Variants in PXDNL observed in about 807,000 individuals in gnomAD.
The protein encoded by PXDNL is probable oxidoreductase PXDNL.
Under a neutral mutation model 150.8 loss-of-function variants are expected in PXDNL, and 145 were observed. That is an observed-to-expected ratio of 0.96 (90% CI 0.84 to 1.10). PXDNL has a LOEUF of 1.10. Ranked by LOEUF, PXDNL falls within the 50% of genes least tolerant of loss-of-function variation. The pLI is 0.00. For missense variants in PXDNL, 2,087 were observed against 1,873.9 expected, an observed-to-expected ratio of 1.11 and a Z score of -2.10; for synonymous variants, 757 against 725.7, an observed-to-expected ratio of 1.04 and a Z score of -0.69.
At chr8:51,352,153 A>G (rs1296911759) in intron 19 of PXDNL, among the ~76,000 whole-genome samples, 1 of 152,106 alleles carries the variant, frequency 6.6e-6, no homozygotes, top group African/African-American at 2.4e-5. Flanking sequence ...GATAATTCCC[A>G]CCATAAAAAA....
At chr8:51,373,924 G>A (rs1328782574) in intron 18 of PXDNL, among the ~76,000 whole-genome samples, 8 of 152,112 alleles carry the variant, frequency 5.3e-5, no homozygotes. Flanking sequence ...TTTATTCTTG[G>A]TTAGTCTTGG....
At position 51,775,348 on chromosome 8, in the gene PXDNL, TACCAAA is replaced by T. The variant is rs1228786216; in HGVS notation, c.164+33827_164+33832del. Among the ~76,000 whole-genome samples the T allele has an allele frequency of 5.9e-5, 9 of 152,188 alleles. No individual in the cohort carries two copies. The East Asian group carries it at 1.7e-3, about 29-fold the overall frequency. ...ACTTTATCATGAAATTAATCAAAAATACCAAAACCAACTTAAATGGCTCGTTATATT... is the reference window on the plus strand; with the variant it reads ...ACTTTATCATGAAATTAATCAAAAATACCAACTTAAATGGCTCGTTATATT... On this transcript the variant is annotated intron_variant, in intron 1 of 22. Coordinates refer to ENST00000356297, the MANE Select transcript of PXDNL (RefSeq NM_144651.5).
intron 1 of PXDNL, among the ~76,000 whole-genome samples, chr8:51,675,523 A>G (rs13279413): frequency 0.65 from 98,141 of 151,882 alleles, 33,921 homozygotes; most frequent in East Asian, 0.85. Flanking sequence ...GGCCAGATGC[A>G]GTGGCTCACA....
intron 1 of PXDNL, among the ~76,000 whole-genome samples, chr8:51,776,467 G>A (rs554653086): frequency 3.7e-4 from 57 of 152,098 alleles, no homozygotes; most frequent in Admixed American, 1.0e-3. Context: ...CAGGCCAGCC[G>A]ACACTTAGAG....
At chr8:51,596,762 T>A (rs1813576567) in intron 2 of PXDNL, among the ~76,000 whole-genome samples, 1 of 152,176 alleles carries the variant, frequency 6.6e-6, no homozygotes, top group Non-Finnish European at 1.5e-5. Flanking sequence ...ATTTGTTTTT[T>A]GCTTGTTCAA....
Position 51,409,082 on chromosome 8 carries a change from G to T in PXDNL, c.2542C>A (p.Arg848=). ...NDPPCFPMNT[R]HADPRGTHAP... The stretch of plus-strand genomic sequence containing the variant: ...TGGGTGCCCCGGGGGTCGGCGTGCC[G>T]GGTGTTCATGGGGAAACAAGGAGGG... Residue 848 remains arginine, a synonymous_variant, in exon 17 of 23, where the codon CGG becomes AGG. Coordinates refer to ENST00000356297, the MANE Select transcript of PXDNL (RefSeq NM_144651.5). 6.2e-7 allele frequency: 1 copy of T among 1,609,370 alleles called. No individual in the cohort carries two copies. Among genetic ancestry groups the T allele is most frequent in the Non-Finnish European group, 8.5e-7 (1 of 1,179,448 alleles).
intron 1 of PXDNL, among the ~76,000 whole-genome samples, chr8:51,765,772 C>T (rs1451138331): frequency 6.6e-6 from 1 of 151,468 alleles, no homozygotes; most frequent in Non-Finnish European, 1.5e-5. Flanking sequence ...CTTTTTGTTC[C>T]TCTATTTCTC....
At chr8:51,540,144 C>CA (rs1456847270) in intron 4 of PXDNL, among the ~76,000 whole-genome samples, 1 of 152,132 alleles carries the variant, frequency 6.6e-6, no homozygotes, top group Admixed American at 6.6e-5. Context: ...GTGATCCATA[C>CA]ACCTCAGCCT....
rs1278769713 is a variant in PXDNL, at chr8:51,472,289, G to A, written c.710C>T (p.Thr237Ile). The A allele has an allele frequency of 6.2e-7, 1 of 1,612,282 alleles. No homozygotes were observed. Among genetic ancestry groups the A allele is most frequent in the Middle Eastern group, 1.7e-4 (1 of 6,060 alleles). ...TACCTCCACATCCTGCGGCTCAAAAGTAATTCGGGGGCTCTCTGCAACAAA... is the reference window on the plus strand; with the variant it reads ...TACCTCCACATCCTGCGGCTCAAAAATAATTCGGGGGCTCTCTGCAACAAA... ...EEFNCQSPRI[T>I]FEPQDVEVPS... is the part of the protein sequence containing the mutation. The change falls in exon 8 of 23, where the codon ACT (threonine) becomes ATT (isoleucine). Residue 237 changes from threonine (T) to isoleucine (I), a missense_variant. Thr to Ile is a moderately conservative substitution (Grantham distance 89). Coordinates refer to ENST00000356297, the MANE Select transcript of PXDNL (RefSeq NM_144651.5).
At chr8:51,551,558 T>TA (rs1188208343) in intron 4 of PXDNL, among the ~76,000 whole-genome samples, 1 of 151,628 alleles carries the variant, frequency 6.6e-6, no homozygotes, top group African/African-American at 2.4e-5. Context: ...GCAAAGCAAA[T>TA]AAAAACATAA....
chr8:51,494,631 T>G (rs570247650), intron 5 of PXDNL, among the ~76,000 whole-genome samples: 205 of 152,142 alleles, frequency 1.3e-3, no homozygotes, highest in African/African-American at 4.6e-3. Flanking sequence ...GTTGCAATCC[T>G]AGTCTATGAT....
chr8:51,678,036 C>T (rs1198341548), intron 1 of PXDNL, among the ~76,000 whole-genome samples: 2 of 152,162 alleles, frequency 1.3e-5, no homozygotes, highest in East Asian at 3.9e-4. Context: ...AAGATTTTCT[C>T]ATAAAACCTC....
At chr8:51,649,346 A>C (rs72638066) in intron 2 of PXDNL, among the ~76,000 whole-genome samples, 189 of 152,308 alleles carry the variant, frequency 1.2e-3, no homozygotes, top group Non-Finnish European at 1.7e-3. Flanking sequence ...ATGAGACTTG[A>C]AACTTTCCCA....
Position 51,509,057 on chromosome 8 carries a change from T to C in PXDNL, c.381-9287A>G, listed in dbSNP as rs1441930338. On this transcript the variant is annotated intron_variant, in intron 4 of 22. Transcript: ENST00000356297. ...CCTAGTGTACAGCAAAGCAACCAAC[T>C]GGTCCCCCACCCTTGCCAGGCCATA... Among the ~76,000 whole-genome samples, 3 of 152,120 alleles carry C rather than the reference T, an allele frequency of 2.0e-5. No homozygotes were observed. The East Asian group carries it at 5.8e-4, about 29-fold the overall frequency.
In PXDNL at chr8:51,405,823, G is replaced by GCT. The variant is rs1000562386; in HGVS notation, c.3557+2242_3557+2243dup. On this transcript the variant is annotated intron_variant, in intron 17 of 22. Transcript: ENST00000356297. ...CAACCCACCCATGCCAGTCAGCAAT[G>GCT]CTCTCTCCTCCTCTGGCTGATGCCA... is the stretch of plus-strand genomic sequence containing the variant. Among the ~76,000 whole-genome samples the GCT allele has an allele frequency of 1.5e-3, 229 of 152,218 alleles. 1 individual carries two copies. Among genetic ancestry groups the GCT allele is most frequent in the African/African-American group, 5.2e-3 (217 of 41,466 alleles).
At chr8:51,728,878 G>A (rs142421763) in intron 1 of PXDNL, among the ~76,000 whole-genome samples, 92 of 152,130 alleles carry the variant, frequency 6.0e-4, no homozygotes, top group African/African-American at 1.8e-3. Flanking sequence ...ACATTTACTC[G>A]CCACTCACTC....
chr8:51,807,235 C>T (rs898169049), intron 1 of PXDNL, among the ~76,000 whole-genome samples: 7 of 152,106 alleles, frequency 4.6e-5, no homozygotes, highest in African/African-American at 1.7e-4. Context: ...CTGGGGAGGC[C>T]TCAGGAAACT....
chr8:51,562,874 CA>C (rs1164021713), intron 3 of PXDNL, among the ~76,000 whole-genome samples: 1 of 151,852 alleles, frequency 6.6e-6, no homozygotes, highest in Admixed American at 6.6e-5. Flanking sequence ...GGGGAAGAGA[CA>C]AAGGTTTTTG....
chr8:51,625,431 C>A (rs1328486835), intron 2 of PXDNL, among the ~76,000 whole-genome samples: 1 of 152,196 alleles, frequency 6.6e-6, no homozygotes, highest in Non-Finnish European at 1.5e-5. Flanking sequence ...CAAGTCAAAT[C>A]ACACTGACTA....
Sources: allele counts gnomAD v4.1 joint callset (sites outside exome capture counted in the v4.1 genomes callset), GRCh38; gene constraint gnomAD v4.1.1; transcripts MANE v1.5; gene names NCBI Gene and HGNC (gene_info 2026-07-23, HGNC 2026-07-21).